MMP26: variants seen among roughly 807,000 people sequenced by gnomAD.
MMP26 encodes matrix metalloproteinase-26.
MMP26 carries 33 observed loss-of-function variants against 31.0 expected under a neutral mutation model. The observed-to-expected ratio is 1.06, with a 90% confidence interval of 0.81 to 1.42. The LOEUF is 1.42. MMP26 is among the 40% of genes most tolerant of loss of function. The pLI is 0.00. For synonymous variants in MMP26, 122 were observed against 114.9 expected (o/e 1.06, Z -0.40); for missense variants, 347 against 316.1 (o/e 1.10, Z -0.74).
chr11:4,822,802 G>C (rs1849528753), intron 2 of MMP26, among the ~76,000 whole-genome samples: 1 of 152,070 alleles, frequency 6.6e-6, no homozygotes, highest in Non-Finnish European at 1.5e-5. Context: ...AGATTCTATA[G>C]GGTGGATCCT....
chr11:4,881,711 T>G, intron 2 of MMP26: 2 of 567,188 alleles, frequency 3.5e-6, no homozygotes, highest in Non-Finnish European at 6.2e-6. Context: ...AATTTGAATC[T>G]GTATTGAACT....
intron 2 of MMP26, among the ~76,000 whole-genome samples, chr11:4,934,893 C>T (rs1391366767): frequency 5.3e-5 from 8 of 151,010 alleles, no homozygotes; most frequent in Non-Finnish European, 7.4e-5. Context: ...TGTAGGTATG[C>T]GGCGTTATTT....
At chr11:4,910,835 A>AG (rs1564805370) in intron 2 of MMP26, among the ~76,000 whole-genome samples, 2 of 112,064 alleles carry the variant, frequency 1.8e-5, no homozygotes, top group Non-Finnish European at 3.8e-5. Flanking sequence ...TCATGGAATA[A>AG]AAAAAAAACT....
At chr11:4,934,291 T>G in intron 2 of MMP26, among the ~76,000 whole-genome samples, 1 of 150,178 alleles carries the variant, frequency 6.7e-6, no homozygotes, top group East Asian at 1.9e-4. Flanking sequence ...TGGTATCTCA[T>G]AGTGGTTTTG....
intron 2 of MMP26, among the ~76,000 whole-genome samples, chr11:4,929,284 A>T (rs1851313872): frequency 6.6e-6 from 1 of 152,134 alleles, no homozygotes. Context: ...TAATAAACCC[A>T]TTAGCTGCAA....
At chr11:4,924,673 T>C (rs1367031986) in intron 2 of MMP26, among the ~76,000 whole-genome samples, 1 of 152,202 alleles carries the variant, frequency 6.6e-6, no homozygotes, top group Non-Finnish European at 1.5e-5. Flanking sequence ...GAGATGTATG[T>C]CTTTAATAGC....
At chr11:4,900,518 A>G (rs1034078592) in intron 2 of MMP26, among the ~76,000 whole-genome samples, 1 of 152,166 alleles carries the variant, frequency 6.6e-6, no homozygotes, top group Non-Finnish European at 1.5e-5. Flanking sequence ...GTGTTTATGC[A>G]GTTTTCATCC....
chr11:4,806,432 A>ATAGT (rs1351114585), intron 2 of MMP26, among the ~76,000 whole-genome samples: 2 of 152,024 alleles, frequency 1.3e-5, no homozygotes, highest in African/African-American at 4.8e-5. Context: ...TATATTTAGG[A>ATAGT]TAGTTAGCTC....
At chr11:4,904,635 T>G (rs1226927989) in intron 2 of MMP26, among the ~76,000 whole-genome samples, 1 of 152,134 alleles carries the variant, frequency 6.6e-6, no homozygotes, top group Non-Finnish European at 1.5e-5. Context: ...ATAAACAGCC[T>G]TGATGAGCTA....
At chr11:4,960,404 A>G (rs888692563) in intron 2 of MMP26, among the ~76,000 whole-genome samples, 2 of 151,882 alleles carry the variant, frequency 1.3e-5, no homozygotes, top group Admixed American at 1.3e-4. Context: ...CTCAACTGTC[A>G]AACATCTTTA....
chr11:4,933,930 T>A (rs1350033626), intron 2 of MMP26, among the ~76,000 whole-genome samples: 1 of 148,384 alleles, frequency 6.7e-6, no homozygotes, highest in East Asian at 2.0e-4. Flanking sequence ...TGCATAGTAT[T>A]CCATGGTGTA....
At chr11:4,900,236 G>A (rs1184862883) in intron 2 of MMP26, among the ~76,000 whole-genome samples, 1 of 152,146 alleles carries the variant, frequency 6.6e-6, no homozygotes, top group Non-Finnish European at 1.5e-5. Context: ...GTCCTATGCT[G>A]GTGGATCAAA....
At chr11:4,856,202 A>T (rs1348785945) in intron 2 of MMP26, among the ~76,000 whole-genome samples, 9 of 152,218 alleles carry the variant, frequency 5.9e-5, no homozygotes, top group Non-Finnish European at 1.3e-4. Context: ...TAATGACAGG[A>T]TCAAATTCAC....
chr11:4,910,204 A>G (rs1347497713), intron 2 of MMP26, among the ~76,000 whole-genome samples: 2 of 152,050 alleles, frequency 1.3e-5, no homozygotes. Flanking sequence ...CTTGCCTCAT[A>G]GATCCCCTCT....
intron 2 of MMP26, among the ~76,000 whole-genome samples, chr11:4,902,254 T>C (rs929885629): frequency 1.3e-5 from 2 of 152,196 alleles, no homozygotes; most frequent in Non-Finnish European, 2.9e-5. Flanking sequence ...ACATTTCATC[T>C]GCAACCAGTG....
chr11:4,836,459 A>G (rs1849720081), intron 2 of MMP26, among the ~76,000 whole-genome samples: 1 of 150,598 alleles, frequency 6.6e-6, no homozygotes, highest in Non-Finnish European at 1.5e-5. Flanking sequence ...AATTTATAAT[A>G]TGATATGCAT....
At chr11:4,724,016 C>A (rs2133277674) in intron 1 of MMP26, 1 of 695,842 alleles carries the variant, frequency 1.4e-6, no homozygotes, top group South Asian at 1.6e-5. Context: ...CCACCATAAC[C>A]TCCACCCAGG....
In MMP26 at chr11:4,844,672, T is replaced by C. The variant is rs572342294; in HGVS notation, c.-145+77331T>C. ...ATGAAGGATAAAAACCATATGATCA[T>C]TTCAATTAATGCTGAAAAAGCATGT... On this transcript the variant is annotated intron_variant, in intron 2 of 7. Coordinates refer to ENST00000380390, the MANE Select transcript of MMP26 (RefSeq NM_021801.5). Among the ~76,000 whole-genome samples, 400 of 152,294 alleles carry C rather than the reference T, an allele frequency of 2.6e-3. 1 individual carries two copies. The highest frequency in any genetic ancestry group is 3.4e-3 in the Non-Finnish European group (228 of 68,012).
At chr11:4,965,700 C>A (rs945908800) in intron 2 of MMP26, among the ~76,000 whole-genome samples, 1 of 152,130 alleles carries the variant, frequency 6.6e-6, no homozygotes, top group Admixed American at 6.5e-5. Flanking sequence ...TTTGTTCTTT[C>A]GTTGCCTTTG....
Sources: gnomAD v4.1 joint callset for allele counts (sites outside exome capture counted in the v4.1 genomes callset) on GRCh38, gnomAD v4.1.1 for gene constraint, MANE v1.5 for transcripts, NCBI Gene and HGNC (gene_info 2026-07-23, HGNC 2026-07-21) for gene names.